TEX36: variants seen among roughly 807,000 people sequenced by gnomAD.
TEX36 encodes the protein testis-expressed protein 36.
Under a neutral mutation model 13.6 loss-of-function variants are expected in TEX36, and 12 were observed. The observed-to-expected ratio is 0.88, with a 90% CI of 0.56 to 1.43. The LOEUF (loss-of-function observed/expected upper bound fraction) is 1.43, where lower values mean the gene tolerates loss of function less well. Among genes scored for constraint, TEX36 ranks in the 40% most tolerant of loss-of-function variants. The pLI, the probability that TEX36 is intolerant of heterozygous loss-of-function variation, is 0.00. For synonymous variants in TEX36, 93 were observed against 83.0 expected (o/e 1.12, Z -0.65); for missense variants, 224 against 228.3 (o/e 0.98, Z 0.12).
At position 125,640,309 on chromosome 10, in the gene TEX36, T is replaced by A. The variant is rs192661307; in HGVS notation, c.265-18664A>T. The A allele has an allele frequency of 1.6e-5, 10 of 609,708 alleles. No individual in the cohort carries two copies. In the East Asian group the frequency reaches 8.5e-4, roughly 52 times the overall value. The allele number at this position is 609,708 out of a possible 1,614,324, so 37.8% of individuals were successfully genotyped here. On this transcript the variant is annotated intron_variant, in intron 3 of 3. Transcript: ENST00000526819. ...TTGGGAACTTACAGATCTGTTTAATTTCTATTGGGAGAGAGAATAAAGCAT... is the reference window on the plus strand; with the variant it reads ...TTGGGAACTTACAGATCTGTTTAATATCTATTGGGAGAGAGAATAAAGCAT...
intron 1 of TEX36, among the ~76,000 whole-genome samples, chr10:125,663,544 A>C (rs1323906141): frequency 6.6e-6 from 1 of 152,086 alleles, no homozygotes; most frequent in Non-Finnish European, 1.5e-5. Context: ...TTCTCTCCCC[A>C]TCCTCGCCAA....
In TEX36 at chr10:125,683,003, C is replaced by G. The variant is rs371591003; in HGVS notation, c.-14G>C. ...CCCTTTGGTCATTCTCTCCAGGAAG[C>G]TGAATGTGGCTGAGATTGGCTCCCT... On this transcript the variant is annotated 5_prime_UTR_variant, in exon 1 of 4. Transcript: ENST00000368821. The G allele has an allele frequency of 1.9e-5, 30 of 1,551,600 alleles. No homozygotes were observed. The highest frequency in any genetic ancestry group is 3.6e-5 in the South Asian group (3 of 84,064).
At chr10:125,681,475 T>G (rs1487511118) in intron 1 of TEX36, among the ~76,000 whole-genome samples, 1 of 152,200 alleles carries the variant, frequency 6.6e-6, no homozygotes, top group East Asian at 1.9e-4. Flanking sequence ...GGAGTTGACA[T>G]TATCTCTCAT....
intron 1 of TEX36, among the ~76,000 whole-genome samples, chr10:125,672,833 G>A (rs1379808568): frequency 1.3e-5 from 2 of 152,096 alleles, no homozygotes; most frequent in East Asian, 1.9e-4. Context: ...TATATATTTA[G>A]GATAGTTAGC....
chr10:125,596,952 A>C (rs1565170222), intron 3 of TEX36, among the ~76,000 whole-genome samples: 1 of 152,204 alleles, frequency 6.6e-6, no homozygotes, highest in Non-Finnish European at 1.5e-5. Context: ...AAATGGGTTA[A>C]AAATATTACC....
intron 3 of TEX36, among the ~76,000 whole-genome samples, chr10:125,648,695 A>G (rs1347296847): frequency 1.3e-5 from 2 of 152,162 alleles, no homozygotes; most frequent in African/African-American, 4.8e-5. Flanking sequence ...ACGATCAGTA[A>G]TAACAAACTT....
chr10:125,603,028 T>G (rs373976703), intron 3 of TEX36, among the ~76,000 whole-genome samples: 4 of 152,240 alleles, frequency 2.6e-5, no homozygotes, highest in African/African-American at 9.6e-5. Flanking sequence ...GCCCACCTGG[T>G]GCCATGCATG....
intron 3 of TEX36, among the ~76,000 whole-genome samples, chr10:125,605,651 G>C (rs975866968): frequency 6.6e-6 from 1 of 151,972 alleles, no homozygotes; most frequent in African/African-American, 2.4e-5. Context: ...ACCCAGGCTG[G>C]AGCACAGTGG....
intron 3 of TEX36, among the ~76,000 whole-genome samples, chr10:125,613,623 T>C (rs186885858): frequency 6.6e-6 from 1 of 152,160 alleles, no homozygotes; most frequent in African/African-American, 2.4e-5. Context: ...TCACTTTTTA[T>C]GGCTGCATAG....
chr10:125,656,160 G>T lies in TEX36; in HGVS notation c.301C>A (p.Gln101Lys), dbSNP rs780552847. 2 of 1,541,018 alleles carry T rather than the reference G, an allele frequency of 1.3e-6. No homozygotes were observed. The highest frequency in any genetic ancestry group is 1.2e-5 in the South Asian group (1 of 83,066). Residue 101 changes from glutamine (Q) to lysine (K), a missense_variant, in exon 4 of 4, where the codon CAA (glutamine) becomes AAA (lysine). Gln to Lys is a moderately conservative substitution (Grantham distance 53, BLOSUM62 1). Coordinates refer to ENST00000368821, the MANE Select transcript of TEX36 (RefSeq NM_001128202.3). ...AGATTAAAATTTCTTGAAACATGTTGCCTCTTATCTGGAGAGATCTTCTTA... is the reference window on the plus strand; with the variant it reads ...AGATTAAAATTTCTTGAAACATGTTTCCTCTTATCTGGAGAGATCTTCTTA... ...GRKKISPDKR[Q>K]HVSRNFNLWA...
At chr10:125,667,645 A>AC (rs1847145045) in intron 1 of TEX36, 5 of 711,730 alleles carry the variant, frequency 7.0e-6, no homozygotes, top group Non-Finnish European at 1.3e-5. Context: ...CCCCAACACC[A>AC]CCCTTGGACA....
chr10:125,596,072 C>A (rs1846079233), intron 3 of TEX36, among the ~76,000 whole-genome samples: 1 of 152,200 alleles, frequency 6.6e-6, no homozygotes, highest in Non-Finnish European at 1.5e-5. Context: ...AGCAACATGA[C>A]TAGGTAAGTA....
intron 3 of TEX36, among the ~76,000 whole-genome samples, chr10:125,599,241 T>C (rs781069317): frequency 6.6e-6 from 1 of 152,194 alleles, no homozygotes; most frequent in Non-Finnish European, 1.5e-5. Flanking sequence ...GAAGTCCACA[T>C]TGTTGCCCTT....
intron 3 of TEX36, among the ~76,000 whole-genome samples, chr10:125,609,681 G>C (rs1398045884): frequency 1.3e-5 from 2 of 152,214 alleles, no homozygotes; most frequent in African/African-American, 2.4e-5. Context: ...TGGAACATTT[G>C]CCCTGTTTAT....
intron 3 of TEX36, among the ~76,000 whole-genome samples, chr10:125,583,181 A>G (rs898141454): frequency 1.3e-5 from 2 of 152,238 alleles, no homozygotes; most frequent in African/African-American, 4.8e-5. Context: ...TTTCCCTGAT[A>G]CATATGTTGT....
chr10:125,644,808 T>G (rs986528575), intron 3 of TEX36, among the ~76,000 whole-genome samples: 1 of 152,202 alleles, frequency 6.6e-6, no homozygotes, highest in Non-Finnish European at 1.5e-5. Flanking sequence ...AATATGAAGG[T>G]TATCCTGGTT....
intron 3 of TEX36, among the ~76,000 whole-genome samples, chr10:125,591,867 C>A (rs1846025320): frequency 6.6e-6 from 1 of 151,828 alleles, no homozygotes; most frequent in African/African-American, 2.4e-5. Flanking sequence ...TAGTGCCCAA[C>A]AGGAAAGACA....
intron 3 of TEX36, among the ~76,000 whole-genome samples, chr10:125,594,413 A>G (rs941824434): frequency 6.0e-4 from 92 of 152,246 alleles, no homozygotes; most frequent in African/African-American, 2.1e-3. Flanking sequence ...TTTCATACTG[A>G]TGAAAAGTGT....
At chr10:125,596,535 G>C (rs1195219082) in intron 3 of TEX36, among the ~76,000 whole-genome samples, 1 of 152,176 alleles carries the variant, frequency 6.6e-6, no homozygotes, top group East Asian at 1.9e-4. Context: ...AGCACAGCCT[G>C]GTTGATACCT....
Sources: allele counts gnomAD v4.1 joint callset (sites outside exome capture counted in the v4.1 genomes callset), GRCh38; gene constraint gnomAD v4.1.1; transcripts MANE v1.5; gene names NCBI Gene and HGNC (gene_info 2026-07-23, HGNC 2026-07-21).